Variants in CEP170 observed in about 807,000 individuals in gnomAD.
The protein encoded by CEP170 is centrosomal protein of 170 kDa.
In CEP170, 21 loss-of-function variants were observed where a neutral mutation model predicts 151.9. The observed-to-expected ratio is 0.14, with a 90% CI of 0.10 to 0.20. CEP170 has a LOEUF of 0.20. CEP170 is among the 10% of genes least tolerant of loss of function. CEP170 has a pLI of 1.00. For synonymous variants in CEP170, 356 were observed against 648.8 expected, an observed-to-expected ratio of 0.55 and a Z score of 6.86; for missense variants, 964 against 1,892.9, an observed-to-expected ratio of 0.51 and a Z score of 9.11.
At chr1:243,234,060 T>C (rs1272774193) in intron 1 of CEP170, among the ~76,000 whole-genome samples, 2 of 152,194 alleles carry the variant, frequency 1.3e-5, no homozygotes, top group Admixed American at 6.5e-5. Flanking sequence ...TCTATCCTTA[T>C]GGTCTGGCAA....
In CEP170 at chr1:243,164,536, G is replaced by C. The variant is rs773315365; in HGVS notation, c.3424C>G (p.Arg1142Gly). 6.2e-7 allele frequency: 1 copy of C among 1,612,618 alleles called. No homozygotes were observed. Among genetic ancestry groups the C allele is most frequent in the African/African-American group, 1.3e-5 (1 of 74,876 alleles). ...SSTSKPPTGR[R>G]NISRIDLLAQ... ...AATAAATCAATCCGAGAGATGTTAC[G>C]CCTTCCTGTGGGAGGTTTTGATGTA... The change falls in exon 13 of 20, where the codon CGT becomes GGT. Residue 1142 changes from arginine (R) to glycine (G), a missense_variant. Coordinates refer to ENST00000366542, the MANE Select transcript of CEP170 (RefSeq NM_014812.3).
intron 1 of CEP170, among the ~76,000 whole-genome samples, chr1:243,241,270 C>T (rs1233427265): frequency 4.6e-5 from 7 of 152,204 alleles, no homozygotes; most frequent in Non-Finnish European, 7.3e-5. Context: ...ATTAAGACTA[C>T]AAAACTAGAA....
intron 13 of CEP170, chr1:243,163,176 T>C (rs932135277): frequency 6.6e-6 from 1 of 152,184 alleles, no homozygotes; most frequent in African/African-American, 2.4e-5. Flanking sequence ...TAGGGTCTTG[T>C]AGGAGATGGT....
chr1:243,137,574 A>C (rs889722471), intron 16 of CEP170, among the ~76,000 whole-genome samples: 1 of 152,106 alleles, frequency 6.6e-6, no homozygotes, highest in Non-Finnish European at 1.5e-5. Flanking sequence ...CAGGAGATCG[A>C]GACCATCCTG....
At chr1:243,244,588 C>T (rs922486687) in intron 1 of CEP170, among the ~76,000 whole-genome samples, 13 of 151,846 alleles carry the variant, frequency 8.6e-5, no homozygotes, top group African/African-American at 2.9e-4. Context: ...ACCAAAAACA[C>T]GAAAAAATTA....
At chr1:243,190,769 A>T (rs1488734608) in intron 8 of CEP170, among the ~76,000 whole-genome samples, 1 of 152,192 alleles carries the variant, frequency 6.6e-6, no homozygotes, top group East Asian at 1.9e-4. Context: ...AAAAAGAAAC[A>T]TGTTTTATAG....
At chr1:243,231,805 T>C (rs1356869477) in intron 1 of CEP170, among the ~76,000 whole-genome samples, 1 of 152,146 alleles carries the variant, frequency 6.6e-6, no homozygotes, top group Non-Finnish European at 1.5e-5. Context: ...AATACATCAA[T>C]GACAGAATTA....
Position 243,226,153 on chromosome 1 carries a change from GTCTA to G in CEP170, c.-41-836_-41-833del, listed in dbSNP as rs1387893318. Among the ~76,000 whole-genome samples, 167 of 119,774 alleles carry G rather than the reference GTCTA, an allele frequency of 1.4e-3. 4 individuals are homozygous for G. In the South Asian group the frequency reaches 0.041, roughly 29 times the overall value. 78.6% of individuals were successfully genotyped at this position (119,774 alleles called of 152,430 possible). ...TATATATGTGTATATATATGTACAT[GTCTA>G]TCTCTCTATAGATATATATATATCT... On this transcript the variant is annotated intron_variant, in intron 1 of 19. Transcript: ENST00000366542.
intron 1 of CEP170, among the ~76,000 whole-genome samples, chr1:243,248,914 G>A (rs1558158961): frequency 1.3e-5 from 2 of 151,954 alleles, no homozygotes; most frequent in Admixed American, 1.3e-4. Context: ...TCCCATTCCT[G>A]CCTCAGAACC....
intron 4 of CEP170, among the ~76,000 whole-genome samples, chr1:243,209,701 A>G (rs531307531): frequency 6.6e-4 from 99 of 150,520 alleles, no homozygotes; most frequent in African/African-American, 2.3e-3. Context: ...TTTTTTTGAG[A>G]CGGAGTCTGG....
At chr1:243,223,832 G>C (rs1033620144) in intron 2 of CEP170, among the ~76,000 whole-genome samples, 9 of 152,014 alleles carry the variant, frequency 5.9e-5, no homozygotes, top group African/African-American at 2.2e-4. Flanking sequence ...TCCCATTTGT[G>C]TAACTATTTT....
intron 11 of CEP170, among the ~76,000 whole-genome samples, chr1:243,171,006 T>C (rs1366009995): frequency 6.6e-6 from 1 of 152,184 alleles, no homozygotes; most frequent in Non-Finnish European, 1.5e-5. Context: ...AACCATTCTG[T>C]GAAGAGTGTT....
intron 6 of CEP170, among the ~76,000 whole-genome samples, chr1:243,199,707 C>T (rs1341263400): frequency 6.6e-6 from 1 of 151,318 alleles, no homozygotes; most frequent in African/African-American, 2.4e-5. Context: ...AAAACTAGTT[C>T]TTAACAGAAC....
chr1:243,191,890 C>T (rs1052782924), intron 7 of CEP170, among the ~76,000 whole-genome samples: 16 of 152,072 alleles, frequency 1.1e-4, no homozygotes, highest in Non-Finnish European at 1.6e-4. Context: ...CCATGAACTC[C>T]CTTCTCAAGT....
At chr1:243,150,310 C>G (rs534606764) in intron 14 of CEP170, among the ~76,000 whole-genome samples, 1 of 152,008 alleles carries the variant, frequency 6.6e-6, no homozygotes, top group African/African-American at 2.4e-5. Context: ...GCCATCACAC[C>G]CGGCTAATTT....
chr1:243,188,655 G>C (rs900237885), intron 8 of CEP170, among the ~76,000 whole-genome samples: 2 of 152,110 alleles, frequency 1.3e-5, no homozygotes, highest in African/African-American at 4.8e-5. Context: ...TCTCCTAAAG[G>C]GTTAAAGTGT....
intron 14 of CEP170, among the ~76,000 whole-genome samples, chr1:243,144,146 G>T (rs1454709599): frequency 6.6e-6 from 1 of 152,082 alleles, no homozygotes; most frequent in Admixed American, 6.5e-5. Context: ...AAGCAGACAG[G>T]GTCCTTGTCC....
At chr1:243,209,352 G>GT in intron 4 of CEP170, among the ~76,000 whole-genome samples, 1 of 151,776 alleles carries the variant, frequency 6.6e-6, no homozygotes, top group East Asian at 1.9e-4. Flanking sequence ...TGCCAGGCTA[G>GT]TTTTTGTATT....
chr1:243,254,386 C>G (rs1039451278), intron 1 of CEP170: 5 of 152,020 alleles, frequency 3.3e-5, no homozygotes, highest in Non-Finnish European at 7.3e-5. Flanking sequence ...ACAATGAAGC[C>G]GACAGGAAGC....
Sources: allele counts gnomAD v4.1 joint callset (sites outside exome capture counted in the v4.1 genomes callset), GRCh38; gene constraint gnomAD v4.1.1; transcripts MANE v1.5; gene names NCBI Gene and HGNC (gene_info 2026-07-23, HGNC 2026-07-21).